The following ADARB1 variants were observed in gnomAD, a reference collection of about 807,000 sequenced individuals.
ADARB1 encodes the protein adenosine deaminase RNA specific B1.
Under a neutral mutation model 52.4 loss-of-function variants are expected in ADARB1, and 10 were observed. The ratio of observed to expected loss-of-function variants is 0.19; its 90% CI spans 0.12 to 0.32. The LOEUF (loss-of-function observed/expected upper bound fraction) is 0.32. ADARB1 is among the 10% of genes least tolerant of loss of function. The probability of loss-of-function intolerance (pLI) is 1.00; values close to 1 mark genes in which losing one functional copy is unlikely to be tolerated. For synonymous variants in ADARB1, 349 were observed against 371.1 expected (o/e 0.94, Z 0.68); for missense variants, 643 against 922.3 (o/e 0.70, Z 3.92).
At chr21:45,127,852 C>A (rs1486643692) in intron 1 of ADARB1, among the ~76,000 whole-genome samples, 3 of 152,142 alleles carry the variant, frequency 2.0e-5, no homozygotes, top group African/African-American at 7.2e-5. Flanking sequence ...ATTATATTAG[C>A]ATGTTGAAAC....
At chr21:45,203,945 CAGTA>C (rs1465436885) in intron 8 of ADARB1, among the ~76,000 whole-genome samples, 2 of 152,140 alleles carry the variant, frequency 1.3e-5, no homozygotes, top group African/African-American at 4.8e-5. Flanking sequence ...TGATTAGACA[CAGTA>C]AGAAATTAAC....
rs150069905 is a variant in ADARB1, at chr21:45,220,799, C to T, written c.1748-37C>T. On this transcript the variant is annotated intron_variant, in intron 9 of 10. Transcript: ENST00000348831. The surrounding 1 kb of genome is among the most constrained non-coding windows in gnomAD (Gnocchi z 6.3). ...GCTGCTCCCTCCCTGGGGGTGAAAGCGGGCTTCACACCACCTTCCTGTGTC... is the reference window on the plus strand; with the variant it reads ...GCTGCTCCCTCCCTGGGGGTGAAAGTGGGCTTCACACCACCTTCCTGTGTC... The T allele has an allele frequency of 2.3e-3, 3,691 of 1,599,912 alleles. 19 individuals carry two copies. The highest frequency in any genetic ancestry group is 0.011 in the Middle Eastern group (67 of 6,024).
At chr21:45,085,891 G>A (rs1032271363) in intron 1 of ADARB1, among the ~76,000 whole-genome samples, 4 of 152,178 alleles carry the variant, frequency 2.6e-5, no homozygotes, top group Non-Finnish European at 1.5e-5. Context: ...AGAGCCTCCC[G>A]TGCAGCTCAC....
intron 2 of ADARB1, among the ~76,000 whole-genome samples, chr21:45,144,333 AAATT>A (rs1245808317): frequency 6.6e-6 from 1 of 152,226 alleles, no homozygotes; most frequent in Non-Finnish European, 1.5e-5. Flanking sequence ...GATAAAAATA[AAATT>A]AATTAGATAC....
At chr21:45,181,662 A>G (rs1217696847) in intron 5 of ADARB1, 4 of 152,226 alleles carry the variant, frequency 2.6e-5, no homozygotes, top group Non-Finnish European at 5.9e-5. Flanking sequence ...AACACCTTAC[A>G]TCTTAGTGTG....
intron 2 of ADARB1, among the ~76,000 whole-genome samples, chr21:45,149,445 G>A (rs1043570360): frequency 3.9e-5 from 6 of 152,220 alleles, no homozygotes; most frequent in Admixed American, 3.9e-4. Flanking sequence ...CGCATATCTT[G>A]TCTAAATCTT....
chr21:45,076,275 G>T (rs915122944), intron 1 of ADARB1, among the ~76,000 whole-genome samples: 2 of 152,188 alleles, frequency 1.3e-5, no homozygotes, highest in African/African-American at 4.8e-5. Flanking sequence ...CGGTTCCTCC[G>T]GAGGACAGGG....
intron 4 of ADARB1, chr21:45,177,262 A>C (rs2091737390): frequency 1.3e-5 from 2 of 153,070 alleles, no homozygotes; most frequent in Admixed American, 6.5e-5. Context: ...GAGCGCAGGG[A>C]GGGAGGGGCC....
intron 1 of ADARB1, among the ~76,000 whole-genome samples, chr21:45,079,811 C>G (rs1365382682): frequency 6.6e-6 from 1 of 152,056 alleles, no homozygotes; most frequent in Admixed American, 6.5e-5. Flanking sequence ...AGGTCAGGTT[C>G]AAGAAGAGGT....
chr21:45,190,881 A>G (rs983202694), intron 8 of ADARB1, among the ~76,000 whole-genome samples: 1 of 152,238 alleles, frequency 6.6e-6, no homozygotes, highest in Non-Finnish European at 1.5e-5. Flanking sequence ...CCCAGTATGG[A>G]GGCTTCCTCC....
intron 2 of ADARB1, among the ~76,000 whole-genome samples, chr21:45,148,350 T>C (rs1328686055): frequency 6.6e-6 from 1 of 152,190 alleles, no homozygotes; most frequent in Non-Finnish European, 1.5e-5. Flanking sequence ...AGGTGCCCCA[T>C]TGCTAGTTCA....
intron 7 of ADARB1, chr21:45,184,540 C>T (rs1484622337): frequency 5.4e-6 from 2 of 367,546 alleles, no homozygotes; most frequent in Non-Finnish European, 5.4e-6. Context: ...CCTCGACCTC[C>T]TGGGCTCTTA....
intron 1 of ADARB1, among the ~76,000 whole-genome samples, chr21:45,112,488 G>A (rs970069465): frequency 6.6e-6 from 1 of 151,694 alleles, no homozygotes; most frequent in Admixed American, 6.6e-5. Flanking sequence ...CAGGGCTTGG[G>A]GTCGGGGGTG....
chr21:45,101,788 G>A (rs1360083808), intron 1 of ADARB1, among the ~76,000 whole-genome samples: 3 of 152,226 alleles, frequency 2.0e-5, no homozygotes, highest in East Asian at 3.8e-4. Context: ...TGACTATTAC[G>A]TGGGAGATGA....
intron 1 of ADARB1, among the ~76,000 whole-genome samples, chr21:45,092,189 A>T (rs1011224054): frequency 6.6e-6 from 1 of 152,132 alleles, no homozygotes; most frequent in African/African-American, 2.4e-5. Context: ...GTCGGTTCAG[A>T]AGGTGCAGCC....
intron 7 of ADARB1, chr21:45,184,575 C>G: frequency 2.9e-6 from 1 of 345,470 alleles, no homozygotes; most frequent in South Asian, 2.3e-5. Context: ...CTCAACCTTC[C>G]AAGGAGCTGG....
chr21:45,100,302 T>C (rs1172778188), intron 1 of ADARB1, among the ~76,000 whole-genome samples: 1 of 152,190 alleles, frequency 6.6e-6, no homozygotes, highest in Admixed American at 6.5e-5. Flanking sequence ...GCTTACTAAC[T>C]AGGCTTGCAC....
intron 8 of ADARB1, among the ~76,000 whole-genome samples, chr21:45,201,969 G>A (rs552359470): frequency 2.1e-4 from 32 of 152,330 alleles, no homozygotes; most frequent in African/African-American, 7.7e-4. Flanking sequence ...TGGGCAAGCA[G>A]CAAGGAGGTC....
At chr21:45,133,975 G>T (rs1356969381) in intron 2 of ADARB1, among the ~76,000 whole-genome samples, 1 of 99,168 alleles carries the variant, frequency 1.0e-5, no homozygotes, top group African/African-American at 4.1e-5. Context: ...GCCCGACGGG[G>T]GTGTGTGCCC....
Sources: gnomAD v4.1 joint callset for allele counts (sites outside exome capture counted in the v4.1 genomes callset) on GRCh38, gnomAD v4.1.1 for gene constraint, Gnocchi (gnomAD v3.1) non-coding constraint, MANE v1.5 for transcripts, NCBI Gene and HGNC (gene_info 2026-07-23, HGNC 2026-07-21) for gene names.